KCNQ1OT1: variants seen among roughly 807,000 people sequenced by gnomAD.
The protein encoded by KCNQ1OT1 is KCNQ1 antisense RNA 2 (non-protein coding).
exon 1 of KCNQ1OT1, chr11:2,641,446 T>A (rs1447750424): frequency 2.5e-6 from 1 of 398,288 alleles, no homozygotes; most frequent in South Asian, 1.3e-4. Context: ...TTTTGAGAAA[T>A]ATCTATCCAT....
exon 1 of KCNQ1OT1, chr11:2,635,521 G>T (rs1849449256): frequency 6.6e-6 from 1 of 152,168 alleles, no homozygotes; most frequent in Non-Finnish European, 1.5e-5. Flanking sequence ...TGAGGGCTCT[G>T]TTCTGTTCCA....
At chr11:2,667,801 G>A (rs1021772505) in exon 1 of KCNQ1OT1, 9 of 398,576 alleles carry the variant, frequency 2.3e-5, no homozygotes, top group Non-Finnish European at 3.5e-5. Context: ...GGCTCACCTG[G>A]GCTACCCTGG....
exon 1 of KCNQ1OT1, chr11:2,644,362 A>G (rs1248597794): frequency 7.5e-6 from 3 of 398,252 alleles, no homozygotes; most frequent in Non-Finnish European, 1.3e-5. Context: ...GTGGTCTGTT[A>G]TTGAAGCTTT....
In KCNQ1OT1 at chr11:2,651,988, C is replaced by T. The variant is rs1332843185; in HGVS notation, n.48007G>A. On this transcript the variant is annotated non_coding_transcript_exon_variant, in exon 1 of 1. Coordinates refer to ENST00000597346, the Ensembl canonical transcript of KCNQ1OT1. This position sits in a 1 kb window ranked among gnomAD's most constrained non-coding sequence, Gnocchi z 6.1. ...GCCAAGCTGAGTTGATTACTTTTGACATCAGTTGTTAACATAATTTTGATG... is the reference window on the plus strand; with the variant it reads ...GCCAAGCTGAGTTGATTACTTTTGATATCAGTTGTTAACATAATTTTGATG... The T allele has an allele frequency of 2.5e-6, 1 of 398,576 alleles. No homozygotes were observed. Among genetic ancestry groups the T allele is most frequent in the Non-Finnish European group, 4.4e-6 (1 of 226,108 alleles). The allele number at this position is 398,576 out of a possible 1,614,324, so 24.7% of individuals were successfully genotyped here.
rs1021019187 is a variant in KCNQ1OT1, at chr11:2,669,069, C to T, written n.30926G>A. ...GGAAGGCCCGTCCTCTCCCAACTAC[C>T]CTGCCGTATCAGTGTCTTTACAATC... On this transcript the variant is annotated non_coding_transcript_exon_variant, in exon 1 of 1. Transcript: ENST00000597346. The surrounding 1 kb of genome is among the most constrained non-coding windows in gnomAD (Gnocchi z 5.6). 2.5e-6 allele frequency: 1 copy of T among 398,586 alleles called. No homozygotes were observed. The highest frequency in any genetic ancestry group is 1.3e-4 in the South Asian group (1 of 7,858). 24.7% of individuals were successfully genotyped at this position (398,586 alleles called of 1,614,324 possible). A position where few individuals can be genotyped will look rare whatever the true frequency, so the allele number is the denominator to read the frequency against.
Position 2,687,093 on chromosome 11 carries a change from G to A in KCNQ1OT1, n.12902C>T. Reference sequence around the variant, plus strand: ...TGATGCAAGATATCCTGAGTTGGGTGTGACAAGTACACCTTGACACACAAA... The same window carrying A: ...TGATGCAAGATATCCTGAGTTGGGTATGACAAGTACACCTTGACACACAAA... On this transcript the variant is annotated non_coding_transcript_exon_variant, in exon 1 of 1. Transcript: ENST00000597346. The surrounding 1 kb of genome is among the most constrained non-coding windows in gnomAD (Gnocchi z 5.0). 2.5e-6 allele frequency: 1 copy of A among 398,684 alleles called. No individual in the cohort carries two copies. Among genetic ancestry groups the A allele is most frequent in the Non-Finnish European group, 4.4e-6 (1 of 226,084 alleles). The allele number at this position is 398,684 out of a possible 1,614,324, so 24.7% of individuals were successfully genotyped here.
exon 1 of KCNQ1OT1, chr11:2,672,635 A>G: frequency 2.5e-6 from 1 of 398,668 alleles, no homozygotes. Flanking sequence ...ACTCTGGGTA[A>G]ATGGAAGCAC....
chr11:2,671,375 AG>A lies in KCNQ1OT1; in HGVS notation n.28619del. Reference sequence around the variant, plus strand: ...ACTGGGAATATCCTGAAAAAGGTACAGGAACACCTGGCATGCCTCTCCCAGG... The same window carrying A: ...ACTGGGAATATCCTGAAAAAGGTACAGAACACCTGGCATGCCTCTCCCAGG... On this transcript the variant is annotated non_coding_transcript_exon_variant, in exon 1 of 1. Coordinates refer to ENST00000597346, the Ensembl canonical transcript of KCNQ1OT1. The surrounding 1 kb of genome is among the most constrained non-coding windows in gnomAD (Gnocchi z 4.7). The A allele has an allele frequency of 2.5e-6, 1 of 398,614 alleles. No individual in the cohort carries two copies. Among genetic ancestry groups the A allele is most frequent in the East Asian group, 3.6e-5 (1 of 28,072 alleles). 24.7% of individuals were successfully genotyped at this position (398,614 alleles called of 1,614,324 possible). A position where few individuals can be genotyped will look rare whatever the true frequency, so the allele number is the denominator to read the frequency against.
rs577618666 is a variant in KCNQ1OT1 at position 2,687,808 on chromosome 11, C to G, written n.12187G>C. The G allele has an allele frequency of 2.5e-6, 1 of 398,746 alleles. No individual in the cohort carries two copies. Among genetic ancestry groups the G allele is most frequent in the East Asian group, 3.6e-5 (1 of 28,060 alleles). The allele number at this position is 398,746 out of a possible 1,614,324, so 24.7% of individuals were successfully genotyped here. On this transcript the variant is annotated non_coding_transcript_exon_variant, in exon 1 of 1. Transcript: ENST00000597346. The surrounding 1 kb of genome is among the most constrained non-coding windows in gnomAD (Gnocchi z 5.0). ...CCCCTAAGCCACCCAGCCTGGCCCCCCTCCTCTGCCCCAACTGGCTCCAGG... is the reference window on the plus strand; with the variant it reads ...CCCCTAAGCCACCCAGCCTGGCCCCGCTCCTCTGCCCCAACTGGCTCCAGG...
At position 2,682,024 on chromosome 11, in the gene KCNQ1OT1, A is replaced by C; in HGVS notation, n.17971T>G. ...TCCTCACAGCAGCTTTTAACACAAG[A>C]ATATTATCACTCCTGTTTTATAGAT... On this transcript the variant is annotated non_coding_transcript_exon_variant, in exon 1 of 1. Coordinates refer to ENST00000597346, the Ensembl canonical transcript of KCNQ1OT1. The surrounding 1 kb of genome is among the most constrained non-coding windows in gnomAD (Gnocchi z 5.8). 5.0e-6 allele frequency: 2 copies of C among 398,604 alleles called. No individual in the cohort carries two copies. Among genetic ancestry groups the C allele is most frequent in the Non-Finnish European group, 8.8e-6 (2 of 226,060 alleles). The allele number at this position is 398,604 out of a possible 1,614,324, so 24.7% of individuals were successfully genotyped here.
chr11:2,610,331 A>T (rs984649249), exon 1 of KCNQ1OT1: 2 of 397,978 alleles, frequency 5.0e-6, no homozygotes, highest in African/African-American at 2.1e-5. Context: ...CATCTTTATT[A>T]TGCGCTATTA....
rs371488379 is a variant in KCNQ1OT1 at position 2,661,953 on chromosome 11, C to A, written n.38042G>T. 7.7e-5 allele frequency: 125 copies of A among 1,614,084 alleles called. No homozygotes were observed. Among genetic ancestry groups the A allele is most frequent in the Non-Finnish European group, 1.0e-4 (123 of 1,180,044 alleles). ...GCCTAACGTGCTGTCCCCACACTTT[C>A]TCCTCAGTAAGGAAGAGCCCAACAC... On this transcript the variant is annotated non_coding_transcript_exon_variant, in exon 1 of 1. Transcript: ENST00000597346. The surrounding 1 kb of genome is among the most constrained non-coding windows in gnomAD (Gnocchi z 5.9).
chr11:2,643,331 G>A (rs1025220382), exon 1 of KCNQ1OT1: 3 of 398,110 alleles, frequency 7.5e-6, no homozygotes, highest in African/African-American at 6.2e-5. Context: ...TATATATCTG[G>A]GTGCTTTGGT....
chr11:2,629,601 T>C (rs967918656), exon 1 of KCNQ1OT1: 2 of 398,416 alleles, frequency 5.0e-6, no homozygotes, highest in Non-Finnish European at 8.8e-6. Context: ...CATTTGCCAT[T>C]GAATGGACAT....
Position 2,645,809 on chromosome 11 carries a change from A to G in KCNQ1OT1, n.54186T>C. 2.5e-6 allele frequency: 1 copy of G among 398,738 alleles called. No individual in the cohort carries two copies. The highest frequency in any genetic ancestry group is 4.4e-6 in the Non-Finnish European group (1 of 226,172). The allele number at this position is 398,738 out of a possible 1,614,324, so 24.7% of individuals were successfully genotyped here. ...GCAGTCTGGTGGGGGTTGGGCTATC[A>G]AAATGGGACTTTCCTGAAGTTGCCT... is the stretch of plus-strand genomic sequence containing the variant. On this transcript the variant is annotated non_coding_transcript_exon_variant, in exon 1 of 1. Coordinates refer to ENST00000597346, the Ensembl canonical transcript of KCNQ1OT1. This position sits in a 1 kb window ranked among gnomAD's most constrained non-coding sequence, Gnocchi z 5.8.
At position 2,663,061 on chromosome 11, in the gene KCNQ1OT1, C is replaced by T. The variant is rs914335790; in HGVS notation, n.36934G>A. 2 of 398,610 alleles carry T rather than the reference C, an allele frequency of 5.0e-6. No individual in the cohort carries two copies. Among genetic ancestry groups the T allele is most frequent in the Non-Finnish European group, 8.8e-6 (2 of 226,080 alleles). The allele number at this position is 398,610 out of a possible 1,614,324, so 24.7% of individuals were successfully genotyped here. A position where few individuals can be genotyped will look rare whatever the true frequency, so the allele number is the denominator to read the frequency against. The stretch of plus-strand genomic sequence containing the variant: ...GCTGCAGGTGTAACCAGAGAACTGG[C>T]AGGGTTGGGTAGCCAGAATGAGGCC... On this transcript the variant is annotated non_coding_transcript_exon_variant, in exon 1 of 1. Transcript: ENST00000597346. The surrounding 1 kb of genome is among the most constrained non-coding windows in gnomAD (Gnocchi z 5.2).
chr11:2,660,411 A>G (rs1849931121), exon 1 of KCNQ1OT1: 2 of 398,516 alleles, frequency 5.0e-6, no homozygotes, highest in Admixed American at 4.4e-5. Context: ...CAAAAGATGT[A>G]TCACTTTAAA....
Position 2,668,067 on chromosome 11 carries a change from A to G in KCNQ1OT1, n.31928T>C. 2.5e-6 allele frequency: 1 copy of G among 398,574 alleles called. No individual in the cohort carries two copies. The highest frequency in any genetic ancestry group is 4.4e-6 in the Non-Finnish European group (1 of 226,064). 24.7% of individuals were successfully genotyped at this position (398,574 alleles called of 1,614,324 possible). A position where few individuals can be genotyped will look rare whatever the true frequency, so the allele number is the denominator to read the frequency against. ...CACATTTGAACTTTATGCGGTGGGA[A>G]TGATGCAACTCATACACCTTTGTGT... On this transcript the variant is annotated non_coding_transcript_exon_variant, in exon 1 of 1. Transcript: ENST00000597346. The surrounding 1 kb of genome is among the most constrained non-coding windows in gnomAD (Gnocchi z 4.3).
In KCNQ1OT1 at chr11:2,678,941, T is replaced by A. The variant is rs1850340966; in HGVS notation, n.21054A>T. On this transcript the variant is annotated non_coding_transcript_exon_variant, in exon 1 of 1. Coordinates refer to ENST00000597346, the Ensembl canonical transcript of KCNQ1OT1. The surrounding 1 kb of genome is among the most constrained non-coding windows in gnomAD (Gnocchi z 4.9). ...CAGGGCATCTTGGAAAAACTGAATT[T>A]GCTAACTCAATAGAGAACAAAAGAG... The A allele has an allele frequency of 2.5e-6, 1 of 398,580 alleles. No individual in the cohort carries two copies. Among genetic ancestry groups the A allele is most frequent in the Non-Finnish European group, 4.4e-6 (1 of 226,064 alleles). The allele number at this position is 398,580 out of a possible 1,614,324, so 24.7% of individuals were successfully genotyped here. A position where few individuals can be genotyped will look rare whatever the true frequency, so the allele number is the denominator to read the frequency against.
Sources: allele counts gnomAD v4.1 joint callset, GRCh38; gene constraint gnomAD v4.1.1; non-coding constraint Gnocchi (gnomAD v3.1); transcripts MANE v1.5; gene names NCBI Gene and HGNC (gene_info 2026-07-23, HGNC 2026-07-21).